The following EPAS1 variants were observed in gnomAD, a reference collection of about 807,000 sequenced individuals.
The protein encoded by EPAS1 is endothelial PAS domain-containing protein 1.
In EPAS1, 23 loss-of-function variants were observed where a neutral mutation model predicts 87.9. The ratio of observed to expected loss-of-function variants is 0.26; its 90% CI spans 0.19 to 0.37. The LOEUF (loss-of-function observed/expected upper bound fraction) is 0.37. Among genes scored for constraint, EPAS1 ranks in the 10% least tolerant of loss-of-function variants. EPAS1 has a pLI of 1.00. For missense variants in EPAS1, 1,138 were observed against 1,120.7 expected (o/e 1.02, Z -0.22); for synonymous variants, 508 against 444.3 (o/e 1.14, Z -1.80).
At chr2:46,305,105 A>G (rs1015450135) in intron 1 of EPAS1, among the ~76,000 whole-genome samples, 6 of 152,214 alleles carry the variant, frequency 3.9e-5, no homozygotes, top group African/African-American at 1.4e-4. Flanking sequence ...GTGGTCATCC[A>G]TGGGATGCCC....
At chr2:46,316,382 C>T (rs1256983781) in intron 1 of EPAS1, among the ~76,000 whole-genome samples, 3 of 152,080 alleles carry the variant, frequency 2.0e-5, no homozygotes, top group Admixed American at 2.0e-4. Context: ...CCTCAGCACC[C>T]CCGAGTAGCT....
At chr2:46,311,128 C>T (rs1371757191) in intron 1 of EPAS1, among the ~76,000 whole-genome samples, 4 of 152,194 alleles carry the variant, frequency 2.6e-5, no homozygotes, top group Admixed American at 6.5e-5. Flanking sequence ...CCACCCGCCT[C>T]GGCCTCCCAA....
At position 46,384,841 on chromosome 2, in the gene EPAS1, C is replaced by T. The variant is rs1684977986; in HGVS notation, c.*181C>T. 8.5e-6 allele frequency: 6 copies of T among 707,460 alleles called. No homozygotes were observed. Among genetic ancestry groups the T allele is most frequent in the Admixed American group, 8.0e-5 (3 of 37,456 alleles). 43.8% of individuals were successfully genotyped at this position (707,460 alleles called of 1,614,324 possible). Reference sequence around the variant, plus strand: ...TTTTCTGAGATGCTCACTTTATTATCCCTATTTTTAAAGTACACAATTGTT... The same window carrying T: ...TTTTCTGAGATGCTCACTTTATTATTCCTATTTTTAAAGTACACAATTGTT... On this transcript the variant is annotated 3_prime_UTR_variant, in exon 16 of 16. Transcript: ENST00000263734.
chr2:46,376,765 T>A lies in EPAS1; in HGVS notation c.1249+12T>A. 1 of 1,611,770 alleles carries A rather than the reference T, an allele frequency of 6.2e-7. No homozygotes were observed. The highest frequency in any genetic ancestry group is 8.5e-7 in the Non-Finnish European group (1 of 1,179,810). On this transcript the variant is annotated intron_variant, in intron 9 of 15. Coordinates refer to ENST00000263734, the MANE Select transcript of EPAS1 (RefSeq NM_001430.5). Reference sequence around the variant, plus strand: ...CTCTCTGGATTTCGGTGGGTGCTTCTTAGCTAAGCCAGGCCCCTGGAACCC... The same window carrying A: ...CTCTCTGGATTTCGGTGGGTGCTTCATAGCTAAGCCAGGCCCCTGGAACCC...
Position 46,297,617 on chromosome 2 carries a change from C to G in EPAS1, c.-295C>G, listed in dbSNP as rs1302346674. ...GACTCCTTTTCCAGGGAAAAAGGAA[C>G]TTGGGTTCCCTTCTCTCCGTCCTCT... On this transcript the variant is annotated 5_prime_UTR_variant, in exon 1 of 16. Coordinates refer to ENST00000263734, the MANE Select transcript of EPAS1 (RefSeq NM_001430.5). 1 of 457,010 alleles carries G rather than the reference C, an allele frequency of 2.2e-6. No homozygotes were observed. The highest frequency in any genetic ancestry group is 4.3e-5 in the East Asian group (1 of 23,476). The allele number at this position is 457,010 out of a possible 1,614,324, so 28.3% of individuals were successfully genotyped here. A position where few individuals can be genotyped will look rare whatever the true frequency, so the allele number is the denominator to read the frequency against.
intron 1 of EPAS1, among the ~76,000 whole-genome samples, chr2:46,334,439 G>A (rs1022978109): frequency 3.3e-5 from 5 of 152,134 alleles, no homozygotes; most frequent in African/African-American, 7.2e-5. Context: ...CATTCCCAGT[G>A]TGTCTTTGTC....
intron 1 of EPAS1, among the ~76,000 whole-genome samples, chr2:46,302,431 C>T (rs1429179222): frequency 3.3e-5 from 5 of 151,914 alleles, no homozygotes; most frequent in African/African-American, 1.2e-4. Flanking sequence ...GATGAATCTT[C>T]CCTTTTGCTT....
Position 46,346,825 on chromosome 2 carries a change from T to C in EPAS1, c.27-48T>C, listed in dbSNP as rs143229339. 2.0e-3 allele frequency: 3,269 copies of C among 1,606,466 alleles called. 6 individuals carry two copies. The highest frequency in any genetic ancestry group is 7.7e-3 in the East Asian group (342 of 44,668). ...GGGGATGTCCTGGCCAGAGGTATGA[T>C]AGGCTGACAGTAACCTTTCCGGGAC... is the stretch of plus-strand genomic sequence containing the variant. On this transcript the variant is annotated intron_variant, in intron 1 of 15. Coordinates refer to ENST00000263734, the MANE Select transcript of EPAS1 (RefSeq NM_001430.5). The surrounding 1 kb of genome is among the most constrained non-coding windows in gnomAD (Gnocchi z 4.0).
rs1200290751 is a variant in EPAS1, at chr2:46,297,434, T to G, written c.-478T>G. ...ACTCGCGAGCGGACCGCCACACGGGTCCGGTGCCCGCTGCGCTTCCGCCCC... is the reference window on the plus strand; with the variant it reads ...ACTCGCGAGCGGACCGCCACACGGGGCCGGTGCCCGCTGCGCTTCCGCCCC... On this transcript the variant is annotated 5_prime_UTR_variant, in exon 1 of 16. Coordinates refer to ENST00000263734, the MANE Select transcript of EPAS1 (RefSeq NM_001430.5). The G allele has an allele frequency of 6.5e-6, 1 of 154,656 alleles. No individual in the cohort carries two copies. Among genetic ancestry groups the G allele is most frequent in the African/African-American group, 2.4e-5 (1 of 40,954 alleles). The allele number at this position is 154,656 out of a possible 1,614,324, so 9.6% of individuals were successfully genotyped here.
At chr2:46,327,002 C>T (rs376274781) in intron 1 of EPAS1, among the ~76,000 whole-genome samples, 18 of 152,254 alleles carry the variant, frequency 1.2e-4, no homozygotes, top group East Asian at 1.2e-3. Flanking sequence ...AAATGTAGGT[C>T]ACTGTTGTAC....
chr2:46,356,716 T>G lies in EPAS1; in HGVS notation c.370-8T>G. 1 of 1,609,880 alleles carries G rather than the reference T, an allele frequency of 6.2e-7. No individual in the cohort carries two copies. Among genetic ancestry groups the G allele is most frequent in the Non-Finnish European group, 8.5e-7 (1 of 1,176,120 alleles). On this transcript the variant is annotated splice_region_variant and splice_polypyrimidine_tract_variant and intron_variant, in intron 3 of 15. Coordinates refer to ENST00000263734, the MANE Select transcript of EPAS1 (RefSeq NM_001430.5). ...GAATAATGATGCCTAACCTTGTTTT[T>G]GAAACAGGTGGAGCTAACAGGACAT...
chr2:46,369,447 C>T lies in EPAS1; in HGVS notation c.780-380C>T, dbSNP rs921944346. Among the ~76,000 whole-genome samples the T allele has an allele frequency of 3.3e-5, 5 of 152,192 alleles. No individual in the cohort carries two copies. The East Asian group carries it at 7.7e-4, about 23-fold the overall frequency. On this transcript the variant is annotated intron_variant, in intron 6 of 15. Transcript: ENST00000263734. ...TGTCCCTGGACACCTGTGTAGGCAT[C>T]GAGCAAATTGTCTGCCCGTCCTGGA...
chr2:46,302,161 G>GGC (rs1683017810), intron 1 of EPAS1, among the ~76,000 whole-genome samples: 1 of 89,326 alleles, frequency 1.1e-5, no homozygotes, highest in Non-Finnish European at 2.2e-5. Context: ...CCCGTGCGTC[G>GGC]GGGGGGGGGG....
intron 1 of EPAS1, among the ~76,000 whole-genome samples, chr2:46,307,157 T>C (rs1177045267): frequency 4.6e-5 from 7 of 152,202 alleles, no homozygotes; most frequent in Non-Finnish European, 1.0e-4. Context: ...TCTCAGATGC[T>C]ATTTTCGAAT....
At chr2:46,363,010 G>GGTA in intron 6 of EPAS1, among the ~76,000 whole-genome samples, 8 of 147,428 alleles carry the variant, frequency 5.4e-5, no homozygotes, top group Non-Finnish European at 1.2e-4. Context: ...TGGTGGTGGT[G>GGTA]GTGGTGGTGA....
intron 1 of EPAS1, among the ~76,000 whole-genome samples, chr2:46,309,479 A>C (rs1683171548): frequency 6.6e-6 from 1 of 152,252 alleles, no homozygotes; most frequent in Non-Finnish European, 1.5e-5. Flanking sequence ...ATTGATAGTA[A>C]TTAAGTGAGA....
chr2:46,372,498 T>C (rs1366920312), intron 7 of EPAS1, among the ~76,000 whole-genome samples: 1 of 152,244 alleles, frequency 6.6e-6, no homozygotes, highest in Admixed American at 6.5e-5. Flanking sequence ...CTCAACTAGA[T>C]TTAGATCATT....
chr2:46,315,043 G>T (rs1683284406), intron 1 of EPAS1, among the ~76,000 whole-genome samples: 1 of 152,226 alleles, frequency 6.6e-6, no homozygotes. Context: ...CTGTGCCTCA[G>T]TTTCCACTTC....
At position 46,375,772 on chromosome 2, in the gene EPAS1, G is replaced by T; in HGVS notation, c.969G>T (p.Gly323=). ...GCTACGTGTGGCTGGAGACCCAGGG[G>T]ACGGTCATCTACAACCCTCGCAACC... The part of the protein sequence containing the change: ...HGGYVWLETQ[G]TVIYNPRNLQ... Residue 323 remains glycine (G), a synonymous_variant, in exon 8 of 16, where the codon GGG becomes GGT. Coordinates refer to ENST00000263734, the MANE Select transcript of EPAS1 (RefSeq NM_001430.5). The surrounding 1 kb of genome is among the most constrained non-coding windows in gnomAD (Gnocchi z 4.1). 1 of 1,614,244 alleles carries T rather than the reference G, an allele frequency of 6.2e-7. No individual in the cohort carries two copies. The highest frequency in any genetic ancestry group is 8.5e-7 in the Non-Finnish European group (1 of 1,180,038).
Sources: allele counts gnomAD v4.1 joint callset (sites outside exome capture counted in the v4.1 genomes callset), GRCh38; gene constraint gnomAD v4.1.1; non-coding constraint Gnocchi (gnomAD v3.1); transcripts MANE v1.5; gene names NCBI Gene and HGNC (gene_info 2026-07-23, HGNC 2026-07-21).